C8orf89: variants seen among roughly 807,000 people sequenced by gnomAD.
C8orf89 encodes putative uncharacterized protein C8orf89.
C8orf89 carries 14 observed loss-of-function variants against 15.8 expected under a neutral mutation model. The ratio of observed to expected loss-of-function variants is 0.89; its 90% CI spans 0.59 to 1.39. The LOEUF is 1.39. Among genes scored for constraint, C8orf89 ranks in the 40% most tolerant of loss-of-function variants. The probability of loss-of-function intolerance (pLI) is 0.00; values close to 1 mark genes in which losing one functional copy is unlikely to be tolerated. For missense variants in C8orf89, 181 were observed against 184.5 expected (o/e 0.98, Z 0.11); for synonymous variants, 55 against 62.2 (o/e 0.88, Z 0.54).
chr8:73,251,946 T>C (rs577618456), intron 2 of C8orf89, among the ~76,000 whole-genome samples: 24 of 152,340 alleles, frequency 1.6e-4, no homozygotes, highest in African/African-American at 5.3e-4. Flanking sequence ...ACAAGTGTCT[T>C]GGTTACGATG....
intron 2 of C8orf89, among the ~76,000 whole-genome samples, chr8:73,254,741 T>C (rs1813331519): frequency 6.6e-6 from 1 of 151,972 alleles, no homozygotes. Context: ...ATATCCAGCA[T>C]GAAGCATGGT....
chr8:73,250,422 TA>T lies in C8orf89; in HGVS notation c.282-100del. ...CATCACATAGACATTAAATAAATGT[TA>T]AGGAAAGGAAAGTCTTTCCATTATA... On this transcript the variant is annotated intron_variant, in intron 2 of 3. Transcript: ENST00000624510. The T allele has an allele frequency of 8.5e-6, 6 of 703,338 alleles. No homozygotes were observed. The South Asian group carries it at 1.1e-4, about 13-fold the overall frequency. The allele number at this position is 703,338 out of a possible 1,614,324, so 43.6% of individuals were successfully genotyped here.
At chr8:73,241,640 G>A (rs1378880230) in intron 3 of C8orf89, 35 bp from the exon 4 acceptor site, 1 of 1,452,494 alleles carries the variant, frequency 6.9e-7, no homozygotes, top group Admixed American at 2.5e-5. Flanking sequence ...CTATTAAAAT[G>A]AATTAAGCAC....
upstream of C8orf89, among the ~76,000 whole-genome samples, chr8:73,262,363 G>GC (rs1358210036): frequency 6.6e-6 from 1 of 152,086 alleles, no homozygotes; most frequent in Non-Finnish European, 1.5e-5. Flanking sequence ...CCAAAGAACA[G>GC]CCCTCTTAGT....
chr8:73,269,780 T>A, the C8orf89 span, among the ~76,000 whole-genome samples: 1 of 152,140 alleles, frequency 6.6e-6, no homozygotes, highest in African/African-American at 2.4e-5. Flanking sequence ...GTAAACAGAG[T>A]AAGCTTCAAA....
At chr8:73,285,244 T>C in the C8orf89 span, among the ~76,000 whole-genome samples, 2 of 152,170 alleles carry the variant, frequency 1.3e-5, no homozygotes, top group Admixed American at 1.3e-4. Flanking sequence ...AGGGTCAATC[T>C]GTAAGGGTGT....
the C8orf89 span, among the ~76,000 whole-genome samples, chr8:73,266,197 A>G: frequency 6.6e-6 from 1 of 152,256 alleles, no homozygotes; most frequent in South Asian, 2.1e-4. Context: ...GGGAGACAGA[A>G]GAGTGAAAAC....
At chr8:73,254,382 G>T (rs1438674959) in intron 2 of C8orf89, among the ~76,000 whole-genome samples, 1 of 152,056 alleles carries the variant, frequency 6.6e-6, no homozygotes, top group African/African-American at 2.4e-5. Context: ...AAGGATATTG[G>T]TCTAAAATTC....
At chr8:73,272,082 G>A in the C8orf89 span, among the ~76,000 whole-genome samples, 2 of 152,148 alleles carry the variant, frequency 1.3e-5, no homozygotes, top group African/African-American at 4.8e-5. Flanking sequence ...GGCTGGGGTA[G>A]GGGATGTATA....
At chr8:73,272,322 C>T in the C8orf89 span, among the ~76,000 whole-genome samples, 6 of 152,106 alleles carry the variant, frequency 3.9e-5, 1 homozygote, top group African/African-American at 1.4e-4. Flanking sequence ...TGTGAAAGGA[C>T]CTAATCAGGG....
At chr8:73,252,214 T>C (rs1422630693) in intron 2 of C8orf89, among the ~76,000 whole-genome samples, 3 of 152,250 alleles carry the variant, frequency 2.0e-5, no homozygotes, top group African/African-American at 4.8e-5. Flanking sequence ...ATATTGTTTA[T>C]TGTGGTGTTA....
the C8orf89 span, among the ~76,000 whole-genome samples, chr8:73,275,208 T>C: frequency 6.6e-6 from 1 of 151,200 alleles, no homozygotes; most frequent in South Asian, 2.1e-4. Context: ...TTACCCACAT[T>C]CTTATGTACA....
chr8:73,263,462 C>T (rs893943674), upstream of C8orf89, among the ~76,000 whole-genome samples: 12 of 151,402 alleles, frequency 7.9e-5, no homozygotes, highest in South Asian at 2.1e-4. Context: ...TGCAGTGAGC[C>T]GAGATCACAC....
chr8:73,270,368 C>G, the C8orf89 span, among the ~76,000 whole-genome samples: 7 of 152,182 alleles, frequency 4.6e-5, no homozygotes, highest in Admixed American at 2.6e-4. Flanking sequence ...AATTGAGATC[C>G]TTACTTGAAA....
At chr8:73,255,521 C>G (rs1282423812) in intron 2 of C8orf89, among the ~76,000 whole-genome samples, 1 of 152,130 alleles carries the variant, frequency 6.6e-6, no homozygotes, top group African/African-American at 2.4e-5. Flanking sequence ...GGACTGTAAA[C>G]TAGTTCAACC....
At chr8:73,242,602 A>C (rs1192537908) in intron 3 of C8orf89, among the ~76,000 whole-genome samples, 1 of 152,242 alleles carries the variant, frequency 6.6e-6, no homozygotes, top group Non-Finnish European at 1.5e-5. Flanking sequence ...CTACAATGAG[A>C]TATCATTTCA....
the C8orf89 span, chr8:73,277,635 C>T: frequency 1.6e-5 from 12 of 758,556 alleles, no homozygotes; most frequent in Admixed American, 3.5e-5. Flanking sequence ...AGAACTTTTT[C>T]TTTTCATCCA....
At chr8:73,256,726 C>CAAAAAAAAAA (rs11288188) in intron 2 of C8orf89, among the ~76,000 whole-genome samples, 8 of 43,704 alleles carry the variant, frequency 1.8e-4, no homozygotes, top group African/African-American at 3.9e-4. Context: ...GACTCTGTCT[C>CAAAAAAAAAA]AAAAAAAAAA....
the C8orf89 span, among the ~76,000 whole-genome samples, chr8:73,284,558 G>T: frequency 6.6e-6 from 1 of 151,874 alleles, no homozygotes; most frequent in Admixed American, 6.6e-5. Flanking sequence ...ATAATTCATG[G>T]TATGATTCCA....
Sources: allele counts gnomAD v4.1 joint callset (sites outside exome capture counted in the v4.1 genomes callset), GRCh38; gene constraint gnomAD v4.1.1; transcripts MANE v1.5; gene names NCBI Gene and HGNC (gene_info 2026-07-23, HGNC 2026-07-21).